NSUN4: variants seen among roughly 807,000 people sequenced by gnomAD.
NSUN4 encodes the protein 5-cytosine rRNA methyltransferase NSUN4.
NSUN4 carries 31 observed loss-of-function variants against 43.8 expected under a neutral mutation model. The observed-to-expected ratio is 0.71, with a 90% CI of 0.53 to 0.96. The LOEUF (loss-of-function observed/expected upper bound fraction) is 0.96, where lower values mean the gene tolerates loss of function less well. Among genes scored for constraint, NSUN4 ranks in the 40% least tolerant of loss-of-function variants. NSUN4 has a pLI of 0.00. For synonymous variants in NSUN4, 167 were observed against 184.1 expected, an observed-to-expected ratio of 0.91 and a Z score of 0.75; for missense variants, 439 against 475.6, an observed-to-expected ratio of 0.92 and a Z score of 0.72.
At chr1:46,345,362 A>AT in intron 2 of NSUN4, 1 of 505,236 alleles carries the variant, frequency 2.0e-6, no homozygotes, top group Non-Finnish European at 3.5e-6. Context: ...GCTGTTTTAC[A>AT]TTTGGAGAAA....
chr1:46,371,124 T>C, the NSUN4 span, among the ~76,000 whole-genome samples: 1 of 149,344 alleles, frequency 6.7e-6, no homozygotes, highest in East Asian at 2.0e-4. Context: ...CAGCATAACA[T>C]TGCCACCTTG....
At chr1:46,380,818 G>A in the NSUN4 span, among the ~76,000 whole-genome samples, 34,115 of 151,886 alleles carry the variant, frequency 0.22, 4,301 homozygotes, top group Non-Finnish European at 0.29. Flanking sequence ...CCCTCTCTGT[G>A]GGCCTCTATT....
At chr1:46,349,102 C>G (rs1252733012) in intron 3 of NSUN4, among the ~76,000 whole-genome samples, 1 of 150,934 alleles carries the variant, frequency 6.6e-6, no homozygotes, top group Non-Finnish European at 1.5e-5. Flanking sequence ...TGTGAACCAC[C>G]GCGCCCAGTC....
chr1:46,383,072 TC>T, the NSUN4 span, among the ~76,000 whole-genome samples: 1 of 152,216 alleles, frequency 6.6e-6, no homozygotes, highest in African/African-American at 2.4e-5. Flanking sequence ...GGTCTGGCAT[TC>T]CTTCTGCTTC....
In NSUN4 at chr1:46,344,915, G is replaced by A; in HGVS notation, c.208G>A (p.Glu70Lys). 2 of 1,614,206 alleles carry A rather than the reference G, an allele frequency of 1.2e-6. No homozygotes were observed. Among genetic ancestry groups the A allele is most frequent in the Non-Finnish European group, 1.7e-6 (2 of 1,180,036 alleles). ...WPSIRVSLLS[E>K]QKYGALVNNF... is the part of the protein sequence containing the mutation. ...ATCAATCCGTGTCAGTCTCCTCTCA[G>A]AGCAGAAGTATGGTGCACTGGTCAA... Residue 70 changes from glutamate to lysine, a missense_variant, in exon 2 of 6, where the codon GAG becomes AAG. Physicochemically the swap from Glu to Lys is moderately conservative, Grantham distance 56. Coordinates refer to ENST00000474844, the MANE Select transcript of NSUN4 (RefSeq NM_199044.4).
At position 46,340,834 on chromosome 1, in the gene NSUN4, C is replaced by T. The variant is rs201083296; in HGVS notation, c.8C>T (p.Ala3Val). 2.5e-6 allele frequency: 4 copies of T among 1,610,004 alleles called. No homozygotes were observed. The South Asian group carries it at 3.3e-5, about 13-fold the overall frequency. ...CCCGTGGAGCACGCCGATATGGCTG[C>T]GCTGACACTGAGGGGTGTCCGGGAG... is the stretch of plus-strand genomic sequence containing the variant. Reference protein sequence around the residue: MAALTLRGVRELL... With the variant: MAVLTLRGVRELL... The change falls in exon 1 of 6, where the codon GCG (alanine) becomes GTG (valine). Residue 3 changes from alanine (A) to valine (V), a missense_variant. Coordinates refer to ENST00000474844, the MANE Select transcript of NSUN4 (RefSeq NM_199044.4).
chr1:46,341,691 T>G, intron 1 of NSUN4: 1 of 1,229,984 alleles, frequency 8.1e-7, no homozygotes. Flanking sequence ...GTCTTTTGAG[T>G]CCTCTTCCCC....
intron 4 of NSUN4, among the ~76,000 whole-genome samples, chr1:46,360,249 A>AATATATATATATATATAT (rs773980804): frequency 1.9e-4 from 5 of 25,766 alleles, no homozygotes; most frequent in East Asian, 1.7e-3. Flanking sequence ...AAAAAAAAAA[A>AATATATATATATATATAT]ATATATATAT....
chr1:46,340,841 A>G lies in NSUN4; in HGVS notation c.15A>G (p.Thr5=), dbSNP rs563276785. MAAL[T]LRGVRELLKR... ...AGCACGCCGATATGGCTGCGCTGACACTGAGGGGTGTCCGGGAGCTGCTGA... is the reference window on the plus strand; with the variant it reads ...AGCACGCCGATATGGCTGCGCTGACGCTGAGGGGTGTCCGGGAGCTGCTGA... Residue 5 remains threonine, a synonymous_variant, in exon 1 of 6, where the codon ACA becomes ACG. Transcript: ENST00000474844. The G allele has an allele frequency of 5.7e-5, 92 of 1,611,948 alleles. No homozygotes were observed. Among genetic ancestry groups the G allele is most frequent in the Middle Eastern group, 3.3e-4 (2 of 6,048 alleles).
chr1:46,360,774 G>A lies in NSUN4; in HGVS notation c.824G>A (p.Arg275Gln), dbSNP rs200276570. 2,299 of 1,614,028 alleles carry A rather than the reference G, an allele frequency of 1.4e-3. 47 individuals are homozygous for A. The South Asian group carries it at 0.024, about 17-fold the overall frequency. Residue 275 changes from arginine to glutamine, a missense_variant, in exon 5 of 6, where the codon CGG becomes CAG. Arg to Gln is a conservative substitution (Grantham distance 43). Transcript: ENST00000474844. ...GAGGAGGAGAACAACATCTTTAAGC[G>A]GTCAAGGAAGAAGGAGCGACAGATA... ...LHEEENNIFK[R>Q]SRKKERQILP...
At chr1:46,371,687 G>A in the NSUN4 span, among the ~76,000 whole-genome samples, 1 of 151,930 alleles carries the variant, frequency 6.6e-6, no homozygotes, top group African/African-American at 2.4e-5. Context: ...TGATCCCCCC[G>A]CCTCGGCCTC....
At chr1:46,343,186 G>GC (rs76976909) in intron 1 of NSUN4, 54,102 of 391,126 alleles carry the variant, frequency 0.14, 4,565 homozygotes, top group South Asian at 0.38. Context: ...CATTCGACAG[G>GC]CCCCCCTCCC....
In NSUN4 at chr1:46,362,075, GC is replaced by G; in HGVS notation, c.*231del. On this transcript the variant is annotated 3_prime_UTR_variant, in exon 6 of 6. Coordinates refer to ENST00000474844, the MANE Select transcript of NSUN4 (RefSeq NM_199044.4). ...TCATTAACCCCTACCCCATCTCCAG[GC>G]CTGTACTAAAGTTTGCTGCCCGCTT... 1.8e-6 allele frequency: 1 copy of G among 565,316 alleles called. No individual in the cohort carries two copies. Among genetic ancestry groups the G allele is most frequent in the Non-Finnish European group, 3.2e-6 (1 of 317,320 alleles). 35.0% of individuals were successfully genotyped at this position (565,316 alleles called of 1,614,324 possible).
chr1:46,341,692 C>T (rs1376599735), intron 1 of NSUN4: 26 of 1,229,880 alleles, frequency 2.1e-5, no homozygotes, highest in Non-Finnish European at 2.6e-5. Context: ...TCTTTTGAGT[C>T]CTCTTCCCCA....
chr1:46,346,770 GAATGAATA>G, intron 2 of NSUN4, 143 bp from the exon 3 acceptor site: 1 of 625,590 alleles, frequency 1.6e-6, no homozygotes. Flanking sequence ...CCGTATAGAT[GAATGAATA>G]AGTGAATAAG....
rs1380311190 is a variant in NSUN4 at position 46,360,798 on chromosome 1, T to C, written c.848T>C (p.Ile283Thr). The C allele has an allele frequency of 1.2e-6, 2 of 1,614,010 alleles. No individual in the cohort carries two copies. Among genetic ancestry groups the C allele is most frequent in the Non-Finnish European group, 1.7e-6 (2 of 1,179,892 alleles). ...CGGTCAAGGAAGAAGGAGCGACAGA[T>C]ATTGCCTGTGCTGCAAGTGCAGCTT... ...FKRSRKKERQ[I>T]LPVLQVQLLA... Residue 283 changes from isoleucine to threonine, a missense_variant, in exon 5 of 6, where the codon ATA becomes ACA. Coordinates refer to ENST00000474844, the MANE Select transcript of NSUN4 (RefSeq NM_199044.4).
intron 2 of NSUN4, 46 bp downstream of exon 2, chr1:46,345,190 A>C: frequency 2.1e-6 from 3 of 1,398,264 alleles, no homozygotes; most frequent in Non-Finnish European, 2.0e-6. Flanking sequence ...TGTCTGCTGG[A>C]AGTAGACATG....
At chr1:46,345,238 A>C in intron 2 of NSUN4, 94 bp downstream of exon 2, 1 of 851,408 alleles carries the variant, frequency 1.2e-6, no homozygotes, top group Non-Finnish European at 1.8e-6. Flanking sequence ...TAAGGACCAT[A>C]ATATTGCTAA....
rs1663110226 is a variant in NSUN4 at position 46,352,919 on chromosome 1, A to G, written c.644A>G (p.Lys215Arg). 1 of 1,614,048 alleles carries G rather than the reference A, an allele frequency of 6.2e-7. No individual in the cohort carries two copies. The highest frequency in any genetic ancestry group is 1.1e-5 in the South Asian group (1 of 91,086). The change falls in exon 4 of 6, where the codon AAG becomes AGG. Residue 215 changes from lysine to arginine, a missense_variant. Lys to Arg is a conservative substitution (Grantham distance 26). Transcript: ENST00000474844. ...LSPSRIARLQ[K>R]ILHSYVPEEI... ...CCGTCCCGAATAGCCAGACTACAGA[A>G]GATCCTTCACAGCTATGTGCCTGAA... is the stretch of plus-strand genomic sequence containing the variant.
Sources: allele counts gnomAD v4.1 joint callset (sites outside exome capture counted in the v4.1 genomes callset), GRCh38; gene constraint gnomAD v4.1.1; transcripts MANE v1.5; gene names NCBI Gene and HGNC (gene_info 2026-07-23, HGNC 2026-07-21).